LY96: variants seen among roughly 807,000 people sequenced by gnomAD.
The protein encoded by LY96 is lymphocyte antigen 96.
In LY96, 18 loss-of-function variants were observed where a neutral mutation model predicts 18.9. The observed-to-expected ratio is 0.95, with a 90% confidence interval of 0.66 to 1.41. The LOEUF is 1.41. LY96 is among the 40% of genes most tolerant of loss of function. The probability of loss-of-function intolerance (pLI) is 0.00; values close to 1 mark genes in which losing one functional copy is unlikely to be tolerated. For missense variants in LY96, 175 were observed against 182.4 expected (o/e 0.96, Z 0.23); for synonymous variants, 66 against 62.6 (o/e 1.06, Z -0.26).
the LY96 span, among the ~76,000 whole-genome samples, chr8:74,058,531 T>A: frequency 6.6e-6 from 1 of 151,812 alleles, no homozygotes. Flanking sequence ...TTCTTTTTTT[T>A]TTTTTTTGGA....
At chr8:74,006,373 T>A (rs1816412089) in intron 2 of LY96, among the ~76,000 whole-genome samples, 1 of 152,262 alleles carries the variant, frequency 6.6e-6, no homozygotes, top group East Asian at 1.9e-4. Context: ...AATTTTTGTA[T>A]TTTTAGTAGA....
At chr8:74,057,264 G>A in the LY96 span, among the ~76,000 whole-genome samples, 2 of 152,148 alleles carry the variant, frequency 1.3e-5, no homozygotes, top group African/African-American at 4.8e-5. Context: ...ATGTTGGGAA[G>A]TGCTCCTACC....
the LY96 span, among the ~76,000 whole-genome samples, chr8:74,097,043 T>C: frequency 6.6e-6 from 1 of 152,144 alleles, no homozygotes. Flanking sequence ...TTGATGTATT[T>C]TGTATTCTGA....
At chr8:74,026,975 C>T (rs1403548814) in intron 4 of LY96, 134 bp downstream of exon 4, 1 of 590,634 alleles carries the variant, frequency 1.7e-6, no homozygotes, top group African/African-American at 1.9e-5. Flanking sequence ...AGTCTGTTAC[C>T]CAGGCTGGAG....
the LY96 span, among the ~76,000 whole-genome samples, chr8:74,044,364 T>A: frequency 3.4e-3 from 523 of 151,984 alleles, 5 homozygotes; most frequent in African/African-American, 0.012. Flanking sequence ...TAAAAAAAAA[T>A]TTATTTTGTA....
the LY96 span, among the ~76,000 whole-genome samples, chr8:74,097,241 G>A: frequency 1.1e-4 from 16 of 152,292 alleles, no homozygotes; most frequent in African/African-American, 3.4e-4. Flanking sequence ...TAAGAGCACA[G>A]GTTACCGTTA....
At chr8:74,065,806 T>C in the LY96 span, among the ~76,000 whole-genome samples, 1 of 152,228 alleles carries the variant, frequency 6.6e-6, no homozygotes, top group East Asian at 1.9e-4. Context: ...AACACATTTC[T>C]GAGGCATTTA....
the LY96 span, among the ~76,000 whole-genome samples, chr8:74,036,429 A>G: frequency 4.6e-5 from 7 of 152,292 alleles, no homozygotes; most frequent in Admixed American, 4.6e-4. Flanking sequence ...GTCTTTCCCA[A>G]TTGATCCTAT....
At chr8:74,085,698 G>C in the LY96 span, among the ~76,000 whole-genome samples, 1 of 152,182 alleles carries the variant, frequency 6.6e-6, no homozygotes, top group African/African-American at 2.4e-5. Flanking sequence ...TGCATCTACT[G>C]TTCTTCTCCT....
chr8:74,067,522 T>G, the LY96 span, among the ~76,000 whole-genome samples: 95 of 151,704 alleles, frequency 6.3e-4, no homozygotes, highest in Non-Finnish European at 1.0e-3. Flanking sequence ...ATGTGTTTTT[T>G]TTGTTGTTGT....
At chr8:74,025,869 G>A (rs1469014978) in intron 3 of LY96, among the ~76,000 whole-genome samples, 1 of 152,028 alleles carries the variant, frequency 6.6e-6, no homozygotes, top group Non-Finnish European at 1.5e-5. Context: ...TTAATCGGGT[G>A]TGGTGGCAGG....
intron 1 of LY96, among the ~76,000 whole-genome samples, chr8:74,000,614 T>C (rs968544276): frequency 6.6e-6 from 1 of 152,248 alleles, no homozygotes; most frequent in African/African-American, 2.4e-5. Context: ...TTCCAGCCTC[T>C]GCCTATTATC....
chr8:74,034,204 C>G, the LY96 span, among the ~76,000 whole-genome samples: 1 of 152,126 alleles, frequency 6.6e-6, no homozygotes, highest in Non-Finnish European at 1.5e-5. Context: ...AACCTCATCT[C>G]TACTAGAAAA....
the LY96 span, among the ~76,000 whole-genome samples, chr8:74,097,412 T>A: frequency 6.6e-6 from 1 of 152,246 alleles, no homozygotes; most frequent in South Asian, 2.1e-4. Flanking sequence ...GAAGAGTTGA[T>A]ATTTATAAAG....
the LY96 span, among the ~76,000 whole-genome samples, chr8:74,069,065 T>A: frequency 1.3e-5 from 2 of 152,100 alleles, no homozygotes; most frequent in Non-Finnish European, 2.9e-5. Flanking sequence ...GGATTACAGG[T>A]GTGAGCCATT....
chr8:74,055,062 C>A, the LY96 span, among the ~76,000 whole-genome samples: 2 of 152,034 alleles, frequency 1.3e-5, no homozygotes, highest in African/African-American at 4.8e-5. Flanking sequence ...CCAGCACCAC[C>A]ATGCCTGGCT....
chr8:74,027,142 G>C (rs1474894062), intron 4 of LY96, among the ~76,000 whole-genome samples: 2 of 151,962 alleles, frequency 1.3e-5, no homozygotes, highest in African/African-American at 4.8e-5. Flanking sequence ...GTTTCACCAT[G>C]TTGCCCAGGT....
At chr8:73,993,403 G>A (rs1816051801) in intron 1 of LY96, among the ~76,000 whole-genome samples, 1 of 152,128 alleles carries the variant, frequency 6.6e-6, no homozygotes, top group East Asian at 1.9e-4. Flanking sequence ...AGCCTTCCAA[G>A]TAGCTGGGAC....
chr8:74,058,047 G>A, the LY96 span, among the ~76,000 whole-genome samples: 1 of 152,104 alleles, frequency 6.6e-6, no homozygotes, highest in Admixed American at 6.6e-5. Flanking sequence ...TAGTAGTCCT[G>A]TTTGAAGAGG....
Sources: gnomAD v4.1 joint callset for allele counts (sites outside exome capture counted in the v4.1 genomes callset) on GRCh38, gnomAD v4.1.1 for gene constraint, MANE v1.5 for transcripts, NCBI Gene and HGNC (gene_info 2026-07-23, HGNC 2026-07-21) for gene names.